Variants in AJAP1 observed in about 807,000 individuals in gnomAD.
AJAP1 encodes the protein adherens junctions associated protein 1.
A neutral mutation model predicts 35.0 loss-of-function variants in AJAP1; 5 were observed. The ratio of observed to expected loss-of-function variants is 0.14; its 90% CI spans 0.07 to 0.30. The LOEUF (loss-of-function observed/expected upper bound fraction) is 0.30, where lower values mean the gene tolerates loss of function less well. Among genes scored for constraint, AJAP1 ranks in the 10% least tolerant of loss-of-function variants. The pLI is 1.00. For missense variants in AJAP1, 586 were observed against 571.0 expected, an observed-to-expected ratio of 1.03 and a Z score of -0.27; for synonymous variants, 284 against 249.3, an observed-to-expected ratio of 1.14 and a Z score of -1.31.
At position 4,692,997 on chromosome 1, in the gene AJAP1, T is replaced by A. The variant is rs1553155895; in HGVS notation, c.30-18903T>A. 6.6e-6 allele frequency among the ~76,000 whole-genome samples: 1 copy of A among 152,214 alleles called. No individual in the cohort carries two copies. Among genetic ancestry groups the A allele is most frequent in the Non-Finnish European group, 1.5e-5 (1 of 68,036 alleles). ...ATTGTATAAAAATAAGCAGTTAATA[T>A]TTCTATTACAGTGTAATTAATACTA... On this transcript the variant is annotated intron_variant, in intron 1 of 5. Coordinates refer to ENST00000378191, the MANE Select transcript of AJAP1 (RefSeq NM_018836.4). This position sits in a 1 kb window ranked among gnomAD's most constrained non-coding sequence, Gnocchi z 4.4.
At chr1:4,670,349 G>T (rs1374238833) in intron 1 of AJAP1, among the ~76,000 whole-genome samples, 1 of 152,154 alleles carries the variant, frequency 6.6e-6, no homozygotes, top group African/African-American at 2.4e-5. Flanking sequence ...TAAAGCAATT[G>T]CCCCGGGATG....
chr1:4,689,383 C>T (rs1271041807), intron 1 of AJAP1, among the ~76,000 whole-genome samples: 3 of 152,208 alleles, frequency 2.0e-5, no homozygotes, highest in African/African-American at 7.2e-5. Flanking sequence ...GAGAGTGGAG[C>T]CTCGCGCAGC....
intron 5 of AJAP1, among the ~76,000 whole-genome samples, chr1:4,781,555 C>A (rs1642064073): frequency 6.6e-6 from 1 of 152,242 alleles, no homozygotes; most frequent in African/African-American, 2.4e-5. Flanking sequence ...CAGCGGGTAC[C>A]CCCGCCCCAT....
chr1:4,749,648 G>A (rs116406360), intron 2 of AJAP1, among the ~76,000 whole-genome samples: 2,476 of 152,336 alleles, frequency 0.016, 58 homozygotes, highest in African/African-American at 0.056. Context: ...CCTCATCACC[G>A]GGAGCTGTGC....
rs976000749 is a variant in AJAP1, at chr1:4,692,649, C to A, written c.30-19251C>A. ...ATTCCTTCTCTCCCTGCCTCCTGTCCCGGGTCAACTCCTACTTGGCATTGG... is the reference window on the plus strand; with the variant it reads ...ATTCCTTCTCTCCCTGCCTCCTGTCACGGGTCAACTCCTACTTGGCATTGG... On this transcript the variant is annotated intron_variant, in intron 1 of 5. Transcript: ENST00000378191. This position sits in a 1 kb window ranked among gnomAD's most constrained non-coding sequence, Gnocchi z 4.4. Among the ~76,000 whole-genome samples the A allele has an allele frequency of 2.6e-5, 4 of 152,230 alleles. No individual in the cohort carries two copies. The highest frequency in any genetic ancestry group is 9.6e-5 in the African/African-American group (4 of 41,454).
rs1244304846 is a variant in AJAP1 at position 4,734,077 on chromosome 1, A to G, written c.829+21378A>G. Among the ~76,000 whole-genome samples the G allele has an allele frequency of 6.6e-6, 1 of 152,202 alleles. No homozygotes were observed. Among genetic ancestry groups the G allele is most frequent in the Non-Finnish European group, 1.5e-5 (1 of 68,036 alleles). On this transcript the variant is annotated intron_variant, in intron 2 of 5. Coordinates refer to ENST00000378191, the MANE Select transcript of AJAP1 (RefSeq NM_018836.4). This position sits in a 1 kb window ranked among gnomAD's most constrained non-coding sequence, Gnocchi z 4.3. ...GAGTATTGACTTGGCTCAGCCCAGGAAAAGCGAGAGCGATTTGCAAAAGGC... is the reference window on the plus strand; with the variant it reads ...GAGTATTGACTTGGCTCAGCCCAGGGAAAGCGAGAGCGATTTGCAAAAGGC...
At position 4,687,322 on chromosome 1, in the gene AJAP1, G is replaced by A. The variant is rs528545261; in HGVS notation, c.30-24578G>A. Reference sequence around the variant, plus strand: ...GTTTCCACAATCTCCCATGACTGGTGCCTCAGCTGTTATTTGGAGATAACG... The same window carrying A: ...GTTTCCACAATCTCCCATGACTGGTACCTCAGCTGTTATTTGGAGATAACG... On this transcript the variant is annotated intron_variant, in intron 1 of 5. Transcript: ENST00000378191. 2.8e-4 allele frequency among the ~76,000 whole-genome samples: 42 copies of A among 152,328 alleles called. 1 individual carries two copies. In the South Asian group the frequency reaches 7.3e-3, roughly 26 times the overall value.
intron 2 of AJAP1, among the ~76,000 whole-genome samples, chr1:4,714,107 G>C (rs924601117): frequency 3.3e-5 from 5 of 152,274 alleles, no homozygotes; most frequent in South Asian, 2.1e-4. Flanking sequence ...GAGAACCTGC[G>C]GTTTTTTTTC....
chr1:4,730,345 A>G (rs992815487), intron 2 of AJAP1, among the ~76,000 whole-genome samples: 5 of 152,216 alleles, frequency 3.3e-5, no homozygotes, highest in African/African-American at 1.2e-4. Flanking sequence ...CTGACACAGA[A>G]TTCCAGGCAG....
chr1:4,719,637 G>A (rs242041), intron 2 of AJAP1, among the ~76,000 whole-genome samples: 1 of 151,868 alleles, frequency 6.6e-6, no homozygotes, highest in Admixed American at 6.6e-5. Context: ...TCCACCTCCC[G>A]GCAGCTCAGT....
chr1:4,752,388 A>G (rs1641339389), intron 2 of AJAP1, among the ~76,000 whole-genome samples: 1 of 152,102 alleles, frequency 6.6e-6, no homozygotes, highest in African/African-American at 2.4e-5. Flanking sequence ...ATGATCAGTA[A>G]TTGCTCTAGA....
At chr1:4,738,522 C>A (rs1022910365) in intron 2 of AJAP1, among the ~76,000 whole-genome samples, 2 of 152,248 alleles carry the variant, frequency 1.3e-5, no homozygotes. Context: ...TGGCGAGAGC[C>A]ACTGGCAGGC....
At chr1:4,731,215 G>A (rs556704018) in intron 2 of AJAP1, among the ~76,000 whole-genome samples, 5 of 152,202 alleles carry the variant, frequency 3.3e-5, no homozygotes, top group East Asian at 1.9e-4. Flanking sequence ...TGAGTAGCTG[G>A]GATTACAGGC....
At chr1:4,662,662 T>C (rs1384596938) in intron 1 of AJAP1, among the ~76,000 whole-genome samples, 2 of 152,200 alleles carry the variant, frequency 1.3e-5, no homozygotes, top group East Asian at 3.9e-4. Context: ...GTTAGATGGA[T>C]GGAAAATGTG....
intron 1 of AJAP1, chr1:4,711,327 G>GCGCTCA (rs1434200129): frequency 6.6e-6 from 1 of 152,294 alleles, no homozygotes; most frequent in Admixed American, 6.5e-5. Context: ...GGAAGCGCCT[G>GCGCTCA]CGCTCACGCT....
chr1:4,717,482 A>G (rs1640420496), intron 2 of AJAP1, among the ~76,000 whole-genome samples: 1 of 152,214 alleles, frequency 6.6e-6, no homozygotes, highest in South Asian at 2.1e-4. Context: ...TCAGTCACGT[A>G]TTCGTGACAT....
intron 1 of AJAP1, among the ~76,000 whole-genome samples, chr1:4,706,624 T>C (rs1481598274): frequency 6.6e-6 from 1 of 152,140 alleles, no homozygotes; most frequent in Non-Finnish European, 1.5e-5. Flanking sequence ...CTGGCCTGCT[T>C]CTCACTGCAC....
At chr1:4,683,370 G>A (rs1435326824) in intron 1 of AJAP1, among the ~76,000 whole-genome samples, 2 of 152,120 alleles carry the variant, frequency 1.3e-5, no homozygotes, top group African/African-American at 4.8e-5. Context: ...TCCTTGGCCC[G>A]CCCTCACTGT....
rs558213023 is a variant in AJAP1, at chr1:4,720,901, G to A, written c.829+8202G>A. Among the ~76,000 whole-genome samples the A allele has an allele frequency of 6.6e-6, 1 of 152,264 alleles. No homozygotes were observed. The highest frequency in any genetic ancestry group is 1.9e-4 in the East Asian group (1 of 5,164). ...ACTGTGGTGGTCAGACCTACCTCAG[G>A]AAGCCCTCAGCCTGGCTCCCTTAAT... On this transcript the variant is annotated intron_variant, in intron 2 of 5. Transcript: ENST00000378191. The surrounding 1 kb of genome is among the most constrained non-coding windows in gnomAD (Gnocchi z 4.4).
Sources: allele counts gnomAD v4.1 joint callset (sites outside exome capture counted in the v4.1 genomes callset), GRCh38; gene constraint gnomAD v4.1.1; non-coding constraint Gnocchi (gnomAD v3.1); transcripts MANE v1.5; gene names NCBI Gene and HGNC (gene_info 2026-07-23, HGNC 2026-07-21).